Variants in MANBA observed in about 807,000 individuals in gnomAD.
MANBA encodes beta-mannosidase.
A neutral mutation model predicts 111.1 loss-of-function variants in MANBA; 83 were observed. That is an observed-to-expected ratio of 0.75 (90% CI 0.63 to 0.90). The LOEUF is 0.90. Among genes scored for constraint, MANBA ranks in the 40% least tolerant of loss-of-function variants. MANBA has a pLI of 0.00. For synonymous variants in MANBA, 370 were observed against 378.7 expected, an observed-to-expected ratio of 0.98 and a Z score of 0.27; for missense variants, 1,036 against 1,069.0, an observed-to-expected ratio of 0.97 and a Z score of 0.43.
intron 7 of MANBA, among the ~76,000 whole-genome samples, chr4:102,685,093 T>C (rs1732151438): frequency 1.3e-5 from 2 of 152,088 alleles, no homozygotes; most frequent in African/African-American, 4.8e-5. Flanking sequence ...AACCTAGTGA[T>C]GGATGTCAGG....
chr4:102,667,960 T>G (rs1731300941), intron 10 of MANBA: 1 of 152,160 alleles, frequency 6.6e-6, no homozygotes, highest in Non-Finnish European at 1.5e-5. Flanking sequence ...TTCCAATGGA[T>G]GCTAATGAAT....
At chr4:102,710,361 C>T (rs559545787) in intron 5 of MANBA, among the ~76,000 whole-genome samples, 1 of 151,960 alleles carries the variant, frequency 6.6e-6, no homozygotes, top group Non-Finnish European at 1.5e-5. Context: ...TTCTACACAT[C>T]AATGATGAAC....
intron 4 of MANBA, among the ~76,000 whole-genome samples, chr4:102,715,733 A>G (rs1217247175): frequency 6.6e-6 from 1 of 152,184 alleles, no homozygotes; most frequent in Non-Finnish European, 1.5e-5. Flanking sequence ...TTTTAAGCTG[A>G]TAAGTTTTGG....
chr4:102,720,857 G>T (rs186844847), intron 4 of MANBA, among the ~76,000 whole-genome samples: 7 of 152,046 alleles, frequency 4.6e-5, no homozygotes, highest in Middle Eastern at 3.4e-3. Context: ...AACAGGAGGA[G>T]GTATAATTTT....
Position 102,650,645 on chromosome 4 carries a change from A to C in MANBA, c.1761T>G (p.His587Gln). Residue 587 changes from histidine (H) to glutamine (Q), a missense_variant, in exon 13 of 17, where the codon CAT becomes CAG. Physicochemically the swap from His to Gln is conservative, Grantham distance 24. Coordinates refer to ENST00000647097, the MANE Select transcript of MANBA (RefSeq NM_005908.4). Reference sequence around the variant, plus strand: ...GCATTTGTTTGTTACCACCTTCGTGATGTTGTCGATGAAGTGAAAACTTGC... The same window carrying C: ...GCATTTGTTTGTTACCACCTTCGTGCTGTTGTCGATGAAGTGAAAACTTGC... ...FNSKFSLHRQ[H>Q]HEGGNKQMLY... 1 of 1,613,408 alleles carries C rather than the reference A, an allele frequency of 6.2e-7. No homozygotes were observed. Among genetic ancestry groups the C allele is most frequent in the Non-Finnish European group, 8.5e-7 (1 of 1,179,426 alleles).
At chr4:102,753,736 A>T (rs1257686890) in intron 1 of MANBA, 1 of 158,402 alleles carries the variant, frequency 6.3e-6, no homozygotes, top group African/African-American at 2.4e-5. Flanking sequence ...ACATTTGGGG[A>T]TTTAGTTTTA....
chr4:102,656,723 T>A (rs181777607), intron 12 of MANBA, among the ~76,000 whole-genome samples: 1 of 152,186 alleles, frequency 6.6e-6, no homozygotes, highest in Admixed American at 6.5e-5. Flanking sequence ...GTAGTGTATA[T>A]CCATGCAACA....
Position 102,634,847 on chromosome 4 carries a change from T to C in MANBA, c.2356A>G (p.Asn786Asp), listed in dbSNP as rs111353791. The C allele has an allele frequency of 7.4e-6, 12 of 1,614,154 alleles. No individual in the cohort carries two copies. The highest frequency in any genetic ancestry group is 4.0e-5 in the African/African-American group (3 of 75,050). ...SADHELLSPT[N>D]YHFLSSPKEA... ...TTCGGTGAGGACAAGAAGTGGTAGT[T>C]GGTCGGGCTCAGGAGTTCATGGTCA... Residue 786 changes from asparagine to aspartate, a missense_variant, in exon 16 of 17, where the codon AAC (asparagine) becomes GAC (aspartate). By Grantham distance (23) the Asn-to-Asp change is conservative (BLOSUM62 1). Coordinates refer to ENST00000647097, the MANE Select transcript of MANBA (RefSeq NM_005908.4).
intron 10 of MANBA, chr4:102,667,619 G>A (rs1731285342): frequency 6.6e-6 from 1 of 152,098 alleles, no homozygotes; most frequent in Non-Finnish European, 1.5e-5. Context: ...GTTTCATGAG[G>A]AGTGACATCA....
At chr4:102,638,945 C>T (rs1371560870) in intron 14 of MANBA, among the ~76,000 whole-genome samples, 1 of 152,234 alleles carries the variant, frequency 6.6e-6, no homozygotes, top group Non-Finnish European at 1.5e-5. Flanking sequence ...CTCACCCAAC[C>T]TTTCTACTTT....
At chr4:102,713,896 C>CAA (rs987115592) in intron 5 of MANBA, among the ~76,000 whole-genome samples, 8 of 68,420 alleles carry the variant, frequency 1.2e-4, no homozygotes, top group Admixed American at 1.7e-4. Context: ...AACTCCATCT[C>CAA]AAAAAAAAAA....
chr4:102,745,227 A>C (rs182459582), intron 1 of MANBA, among the ~76,000 whole-genome samples: 1 of 152,224 alleles, frequency 6.6e-6, no homozygotes, highest in South Asian at 2.1e-4. Flanking sequence ...TTACCCTGGT[A>C]ATAGACTGGG....
In MANBA at chr4:102,723,001, A is replaced by G. The variant is rs1390760777; in HGVS notation, c.419T>C (p.Ile140Thr). 4.3e-6 allele frequency: 7 copies of G among 1,614,194 alleles called. No individual in the cohort carries two copies. Among genetic ancestry groups the G allele is most frequent in the East Asian group, 2.2e-5 (1 of 44,892 alleles). ...ITNVVRDVNSIELRFQSAVLY... is the reference protein window; with the variant it reads ...ITNVVRDVNSTELRFQSAVLY... ...CACCGCTGACTGGAAACGCAGCTCA[A>G]TGGAGTTCACGTCCCTGACCACGTT... The change falls in exon 4 of 17, where the codon ATT becomes ACT. Residue 140 changes from isoleucine to threonine, a missense_variant. Ile to Thr is a moderately conservative substitution (Grantham distance 89, BLOSUM62 -1). Coordinates refer to ENST00000647097, the MANE Select transcript of MANBA (RefSeq NM_005908.4).
At chr4:102,735,127 T>A (rs1343363680) in intron 1 of MANBA, among the ~76,000 whole-genome samples, 1 of 152,158 alleles carries the variant, frequency 6.6e-6, no homozygotes, top group Non-Finnish European at 1.5e-5. Context: ...ATGTTAGTGA[T>A]CCCACTAGCT....
At chr4:102,660,611 A>G (rs1730894929) in intron 11 of MANBA, among the ~76,000 whole-genome samples, 2 of 151,748 alleles carry the variant, frequency 1.3e-5, no homozygotes, top group Non-Finnish European at 2.9e-5. Flanking sequence ...ACATGTCACT[A>G]TGCCCAAAGA....
chr4:102,674,143 A>G lies in MANBA; in HGVS notation c.961-73T>C, dbSNP rs1731620162. Reference sequence around the variant, plus strand: ...AAAATAGTTTTTTTAAAAAAAGCAGACCTTTTTGAAAAACTACATTCAGTA... The same window carrying G: ...AAAATAGTTTTTTTAAAAAAAGCAGGCCTTTTTGAAAAACTACATTCAGTA... On this transcript the variant is annotated intron_variant, in intron 7 of 16. Coordinates refer to ENST00000647097, the MANE Select transcript of MANBA (RefSeq NM_005908.4). The G allele has an allele frequency of 7.4e-6, 9 of 1,217,394 alleles. No individual in the cohort carries two copies. In the Admixed American group the frequency reaches 1.7e-4, roughly 24 times the overall value. 75.4% of individuals were successfully genotyped at this position (1,217,394 alleles called of 1,614,324 possible). A position where few individuals can be genotyped will look rare whatever the true frequency, so the allele number is the denominator to read the frequency against.
intron 11 of MANBA, among the ~76,000 whole-genome samples, chr4:102,659,503 T>A (rs981789833): frequency 2.0e-5 from 3 of 152,210 alleles, no homozygotes; most frequent in African/African-American, 7.2e-5. Context: ...TCTTTCTAGT[T>A]TGCTTTGGTA....
intron 1 of MANBA, among the ~76,000 whole-genome samples, chr4:102,755,221 T>C (rs998241537): frequency 7.2e-5 from 11 of 152,132 alleles, no homozygotes; most frequent in African/African-American, 2.4e-4. Context: ...CTTCAAACTA[T>C]ACTACAAGGC....
intron 7 of MANBA, among the ~76,000 whole-genome samples, chr4:102,675,934 G>T (rs57122746): frequency 0.053 from 8,012 of 151,810 alleles, 657 homozygotes; most frequent in African/African-American, 0.18. Context: ...TTATGCCATT[G>T]CACTCCAGCC....
Sources: allele counts gnomAD v4.1 joint callset (sites outside exome capture counted in the v4.1 genomes callset), GRCh38; gene constraint gnomAD v4.1.1; transcripts MANE v1.5; gene names NCBI Gene and HGNC (gene_info 2026-07-23, HGNC 2026-07-21).